The following PRKG1 variants were observed in gnomAD, a reference collection of about 807,000 sequenced individuals.
The protein encoded by PRKG1 is protein kinase cGMP-dependent 1, also known as cGMP-dependent protein kinase 1.
A neutral mutation model predicts 88.1 loss-of-function variants in PRKG1; 35 were observed. The observed-to-expected ratio is 0.40, with a 90% CI of 0.30 to 0.53. PRKG1 has a LOEUF of 0.53. PRKG1 is among the 20% of genes least tolerant of loss of function. PRKG1 has a pLI of 0.59. For missense variants in PRKG1, 540 were observed against 839.8 expected, an observed-to-expected ratio of 0.64 and a Z score of 4.41; for synonymous variants, 303 against 292.5, an observed-to-expected ratio of 1.04 and a Z score of -0.37.
At chr10:52,267,005 G>A (rs1293011639) in intron 10 of PRKG1, among the ~76,000 whole-genome samples, 2 of 151,580 alleles carry the variant, frequency 1.3e-5, no homozygotes, top group Admixed American at 6.6e-5. Flanking sequence ...TTCTCTACTC[G>A]AAAGTAATTT....
intron 2 of PRKG1, among the ~76,000 whole-genome samples, chr10:51,300,874 T>C (rs10996671): frequency 0.34 from 51,342 of 152,110 alleles, 8,814 homozygotes; most frequent in Middle Eastern, 0.43. Context: ...AAATAAGACT[T>C]AATTAGCAGC....
At chr10:51,833,539 G>A (rs1305897757) in intron 4 of PRKG1, among the ~76,000 whole-genome samples, 4 of 152,058 alleles carry the variant, frequency 2.6e-5, no homozygotes, top group Non-Finnish European at 5.9e-5. Context: ...GCATGGAAAC[G>A]TGAATCTTTA....
intron 3 of PRKG1, among the ~76,000 whole-genome samples, chr10:51,705,576 A>G (rs1173855962): frequency 6.6e-6 from 1 of 152,222 alleles, no homozygotes; most frequent in East Asian, 1.9e-4. Flanking sequence ...TTACCTAACA[A>G]TGGACTCACT....
intron 2 of PRKG1, among the ~76,000 whole-genome samples, chr10:51,214,012 A>G (rs1838305315): frequency 6.6e-6 from 1 of 152,228 alleles, no homozygotes; most frequent in South Asian, 2.1e-4. Flanking sequence ...ACATATTTAC[A>G]TATTTTCCAA....
intron 7 of PRKG1, among the ~76,000 whole-genome samples, chr10:52,085,266 C>T (rs1391012782): frequency 6.6e-6 from 1 of 151,838 alleles, no homozygotes; most frequent in African/African-American, 2.4e-5. Flanking sequence ...TCCCTCCCTC[C>T]CTCCCACTTT....
rs1418373521 is a variant in PRKG1 at position 51,627,879 on chromosome 10, CCCTTCCCTT to C, written c.592+160084_592+160092del. Among the ~76,000 whole-genome samples, 370 of 72,112 alleles carry C rather than the reference CCCTTCCCTT, an allele frequency of 5.1e-3. 5 individuals carry two copies. Among genetic ancestry groups the C allele is most frequent in the African/African-American group, 0.013 (348 of 26,808 alleles). The allele number at this position is 72,112 out of a possible 152,430, so 47.3% of individuals were successfully genotyped here. A position where few individuals can be genotyped will look rare whatever the true frequency, so the allele number is the denominator to read the frequency against. On this transcript the variant is annotated intron_variant, in intron 3 of 17. Transcript: ENST00000373980. ...TTCTCCTTCCTTCCTTCCTTCCCTT[CCCTTCCCTT>C]CCTTCCCTTCCTTCCCTTCCTTCCC...
At chr10:51,264,227 G>A (rs761276436) in intron 2 of PRKG1, among the ~76,000 whole-genome samples, 7 of 152,200 alleles carry the variant, frequency 4.6e-5, no homozygotes, top group Non-Finnish European at 1.0e-4. Flanking sequence ...AAGAGCATAA[G>A]TAAATTCTCC....
At chr10:51,173,078 C>T (rs900150520) in intron 2 of PRKG1, among the ~76,000 whole-genome samples, 1 of 151,950 alleles carries the variant, frequency 6.6e-6, no homozygotes, top group Non-Finnish European at 1.5e-5. Flanking sequence ...TACATCTGCT[C>T]GTTTTTAAAA....
At chr10:51,393,296 A>G (rs867476438) in intron 2 of PRKG1, among the ~76,000 whole-genome samples, 1 of 150,310 alleles carries the variant, frequency 6.7e-6, no homozygotes, top group Middle Eastern at 3.5e-3. Flanking sequence ...CACTTCCCAG[A>G]TGGGATGGCG....
intron 5 of PRKG1, among the ~76,000 whole-genome samples, chr10:51,999,657 G>A (rs1422877102): frequency 1.3e-5 from 2 of 151,706 alleles, no homozygotes; most frequent in East Asian, 3.9e-4. Flanking sequence ...CTTTTCTTTA[G>A]AATACTTTGC....
intron 5 of PRKG1, among the ~76,000 whole-genome samples, chr10:51,974,469 T>C (rs543379099): frequency 7.0e-4 from 106 of 152,312 alleles, no homozygotes; most frequent in African/African-American, 2.5e-3. Context: ...AGTCCAAACT[T>C]GATCCATCGT....
intron 3 of PRKG1, among the ~76,000 whole-genome samples, chr10:51,481,668 G>A (rs539544831): frequency 7.9e-5 from 12 of 151,860 alleles, no homozygotes; most frequent in Non-Finnish European, 1.3e-4. Flanking sequence ...AATTCTCTCA[G>A]TTCTTGCTTT....
At chr10:52,062,190 T>TAA (rs1564452400) in intron 6 of PRKG1, among the ~76,000 whole-genome samples, 1 of 152,124 alleles carries the variant, frequency 6.6e-6, no homozygotes, top group East Asian at 1.9e-4. Context: ...TTCATGTACA[T>TAA]AAACACATCA....
At chr10:51,113,952 T>C (rs1021283316) in intron 1 of PRKG1, among the ~76,000 whole-genome samples, 2 of 139,816 alleles carry the variant, frequency 1.4e-5, no homozygotes, top group Non-Finnish European at 3.2e-5. Context: ...AACGTGTGTG[T>C]GTGTGTGTGT....
intron 1 of PRKG1, among the ~76,000 whole-genome samples, chr10:51,100,864 T>C (rs1385447609): frequency 1.3e-5 from 2 of 152,198 alleles, no homozygotes; most frequent in Non-Finnish European, 2.9e-5. Context: ...ATTAGCCCAA[T>C]GCTGAGGCAT....
At chr10:52,062,854 T>C (rs1281108740) in intron 7 of PRKG1, 2 of 707,040 alleles carry the variant, frequency 2.8e-6, no homozygotes, top group African/African-American at 1.8e-5. Flanking sequence ...ATCAGTGTTA[T>C]ATTAATTGGA....
intron 2 of PRKG1, among the ~76,000 whole-genome samples, chr10:51,167,397 TG>T (rs1432577636): frequency 1.3e-5 from 2 of 152,142 alleles, no homozygotes; most frequent in African/African-American, 4.8e-5. Flanking sequence ...CAGGTTGGAA[TG>T]GTTGGTAGAG....
chr10:51,008,360 A>G (rs1209907009), intron 1 of PRKG1, among the ~76,000 whole-genome samples: 1 of 152,140 alleles, frequency 6.6e-6, no homozygotes, highest in Non-Finnish European at 1.5e-5. Context: ...CATCGCCACA[A>G]ACTGGGTGGC....
chr10:51,475,144 C>T (rs1007976587), intron 3 of PRKG1, among the ~76,000 whole-genome samples: 4 of 151,984 alleles, frequency 2.6e-5, no homozygotes, highest in Admixed American at 2.6e-4. Flanking sequence ...AAGCACCTCT[C>T]CTTTACTCCT....
Sources: gnomAD v4.1 joint callset for allele counts (sites outside exome capture counted in the v4.1 genomes callset) on GRCh38, gnomAD v4.1.1 for gene constraint, MANE v1.5 for transcripts, NCBI Gene and HGNC (gene_info 2026-07-23, HGNC 2026-07-21) for gene names.